Variants in CEP112 observed in about 807,000 individuals in gnomAD.
CEP112 encodes the protein centrosomal protein of 112 kDa.
CEP112 carries 127 observed loss-of-function variants against 153.0 expected under a neutral mutation model. The ratio of observed to expected loss-of-function variants is 0.83; its 90% confidence interval spans 0.72 to 0.96. The LOEUF (loss-of-function observed/expected upper bound fraction) is 0.96. Ranked by LOEUF, CEP112 falls within the 40% of genes least tolerant of loss-of-function variation. The pLI is 0.00. For missense variants in CEP112, 1,089 were observed against 1,101.2 expected (o/e 0.99, Z 0.16); for synonymous variants, 358 against 374.4 (o/e 0.96, Z 0.51).
chr17:66,148,202 T>C (rs571147874), intron 4 of CEP112, among the ~76,000 whole-genome samples: 10 of 152,264 alleles, frequency 6.6e-5, no homozygotes, highest in African/African-American at 1.9e-4. Context: ...TTTCCCCTTA[T>C]AAAACCATCA....
intron 24 of CEP112, among the ~76,000 whole-genome samples, chr17:65,676,950 C>T (rs920547352): frequency 2.6e-5 from 4 of 152,076 alleles, no homozygotes; most frequent in African/African-American, 9.7e-5. Flanking sequence ...GGAGCACCAC[C>T]CCTTGGATTA....
chr17:65,934,947 A>G (rs2061255749), intron 18 of CEP112, among the ~76,000 whole-genome samples: 1 of 152,206 alleles, frequency 6.6e-6, no homozygotes, highest in South Asian at 2.1e-4. Flanking sequence ...AGTGAGTACA[A>G]GCAAGGGAAA....
At chr17:66,046,845 C>T (rs1374487857) in intron 12 of CEP112, among the ~76,000 whole-genome samples, 1 of 151,978 alleles carries the variant, frequency 6.6e-6, no homozygotes, top group African/African-American at 2.4e-5. Flanking sequence ...CAGCTGTAAG[C>T]CAGAAAATGG....
intron 21 of CEP112, among the ~76,000 whole-genome samples, chr17:65,806,803 T>G (rs1248293491): frequency 2.0e-5 from 3 of 152,192 alleles, no homozygotes; most frequent in African/African-American, 4.8e-5. Flanking sequence ...GTGAGTCAAT[T>G]AAACCTCTTT....
At chr17:66,066,183 A>G (rs1217419173) in intron 10 of CEP112, among the ~76,000 whole-genome samples, 1 of 152,208 alleles carries the variant, frequency 6.6e-6, no homozygotes, top group Non-Finnish European at 1.5e-5. Context: ...GGTCAGAGTT[A>G]GCTCAAGTGG....
Position 65,961,481 on chromosome 17 carries a change from A to G in CEP112, c.1854T>C (p.Tyr618=), listed in dbSNP as rs1460769386. Residue 618 remains tyrosine, a synonymous_variant, in exon 18 of 27, where the codon TAT becomes TAC. Coordinates refer to ENST00000535342, the MANE Select transcript of CEP112 (RefSeq NM_001199165.4). The part of the protein sequence containing the change: ...RQVELNSEKV[Y]AEMKEQMEKV... The stretch of plus-strand genomic sequence containing the variant: ...TCCTTACCTGCTCTTTCATTTCAGC[A>G]TAGACTTTCTCTGAGTTCAGTTCCA... 2.5e-6 allele frequency: 4 copies of G among 1,610,070 alleles called. No individual in the cohort carries two copies. The highest frequency in any genetic ancestry group is 3.3e-4 in the Middle Eastern group (2 of 6,040).
intron 6 of CEP112, among the ~76,000 whole-genome samples, chr17:66,121,323 T>C (rs2069576128): frequency 6.6e-6 from 1 of 152,128 alleles, no homozygotes; most frequent in Non-Finnish European, 1.5e-5. Flanking sequence ...ATTTTAGTAC[T>C]GTGGCTAAGT....
intron 23 of CEP112, among the ~76,000 whole-genome samples, chr17:65,737,226 T>A (rs1489549118): frequency 6.6e-6 from 1 of 152,082 alleles, no homozygotes; most frequent in African/African-American, 2.4e-5. Flanking sequence ...GGTGGTAAGG[T>A]AGACATCATA....
intron 23 of CEP112, among the ~76,000 whole-genome samples, chr17:65,709,966 A>C (rs1232979522): frequency 7.2e-5 from 11 of 152,172 alleles, no homozygotes; most frequent in Admixed American, 5.2e-4. Context: ...ACCCCTAAGC[A>C]TGGCATATAT....
intron 16 of CEP112, among the ~76,000 whole-genome samples, chr17:66,020,515 G>C (rs1382637976): frequency 1.3e-5 from 2 of 151,896 alleles, no homozygotes; most frequent in African/African-American, 4.8e-5. Context: ...CCATTTAATG[G>C]GTATCTGCTG....
At chr17:65,645,023 C>T (rs1054988317) in intron 24 of CEP112, among the ~76,000 whole-genome samples, 1 of 151,926 alleles carries the variant, frequency 6.6e-6, no homozygotes, top group African/African-American at 2.4e-5. Context: ...ATTAATTTTC[C>T]TGAGACATTG....
chr17:65,843,735 A>T (rs2057611744), intron 21 of CEP112, among the ~76,000 whole-genome samples: 1 of 152,190 alleles, frequency 6.6e-6, no homozygotes, highest in Non-Finnish European at 1.5e-5. Flanking sequence ...CCAGGAACCC[A>T]AGCTGGTAAA....
chr17:65,953,020 G>A (rs763459357), intron 18 of CEP112, among the ~76,000 whole-genome samples: 17 of 150,910 alleles, frequency 1.1e-4, no homozygotes, highest in South Asian at 8.4e-4. Context: ...CAAGTTCTTC[G>A]AAATACATGT....
intron 17 of CEP112, among the ~76,000 whole-genome samples, chr17:65,995,723 C>T (rs1169779699): frequency 6.6e-6 from 1 of 152,164 alleles, no homozygotes; most frequent in East Asian, 1.9e-4. Flanking sequence ...ACGACTGCAT[C>T]CTCACCCAAA....
intron 24 of CEP112, among the ~76,000 whole-genome samples, chr17:65,677,020 C>T (rs113463741): frequency 2.0e-5 from 3 of 152,288 alleles, no homozygotes; most frequent in South Asian, 2.1e-4. Flanking sequence ...CCCAACATGG[C>T]TGCTACCTAA....
At chr17:66,018,851 T>C (rs1390137980) in intron 16 of CEP112, among the ~76,000 whole-genome samples, 1 of 152,220 alleles carries the variant, frequency 6.6e-6, no homozygotes, top group Non-Finnish European at 1.5e-5. Flanking sequence ...TTAACATATG[T>C]CTGGCATGTT....
intron 25 of CEP112, among the ~76,000 whole-genome samples, chr17:65,640,154 A>ATATATTTTTTTTT (rs1300751452): frequency 1.9e-4 from 15 of 78,338 alleles, no homozygotes; most frequent in African/African-American, 1.1e-3. Context: ...ATATATATAT[A>ATATATTTTTTTTT]TTTTTTTTTT....
chr17:66,078,533 G>T (rs1352544381), intron 8 of CEP112, among the ~76,000 whole-genome samples: 1 of 152,124 alleles, frequency 6.6e-6, no homozygotes, highest in Non-Finnish European at 1.5e-5. Flanking sequence ...TGGGATTACA[G>T]GCGTGAGCCA....
intron 24 of CEP112, among the ~76,000 whole-genome samples, chr17:65,686,863 A>ATT (rs2047821342): frequency 1.3e-5 from 1 of 79,240 alleles, no homozygotes; most frequent in African/African-American, 1.4e-4. Context: ...ATTGCTATCC[A>ATT]GTTTTTTTTT....
Sources: allele counts gnomAD v4.1 joint callset (sites outside exome capture counted in the v4.1 genomes callset), GRCh38; gene constraint gnomAD v4.1.1; transcripts MANE v1.5; gene names NCBI Gene and HGNC (gene_info 2026-07-23, HGNC 2026-07-21).